Variants in SNX29 observed in about 807,000 individuals in gnomAD.
SNX29 encodes the protein sorting nexin-29.
In SNX29, 78 loss-of-function variants were observed where a neutral mutation model predicts 102.1. The ratio of observed to expected loss-of-function variants is 0.76; its 90% CI spans 0.64 to 0.92. The LOEUF (loss-of-function observed/expected upper bound fraction) is 0.92. SNX29 is among the 40% of genes least tolerant of loss of function. The pLI is 0.00. For synonymous variants in SNX29, 580 were observed against 414.5 expected, an observed-to-expected ratio of 1.40 and a Z score of -4.85; for missense variants, 1,280 against 1,061.7, an observed-to-expected ratio of 1.21 and a Z score of -2.86.
intron 11 of SNX29, among the ~76,000 whole-genome samples, chr16:12,119,844 T>C (rs959695748): frequency 2.0e-5 from 3 of 152,196 alleles, no homozygotes; most frequent in Non-Finnish European, 2.9e-5. Flanking sequence ...AGACAGCAAG[T>C]GTAATCATGC....
chr16:12,229,554 C>G (rs2077710590), intron 14 of SNX29, among the ~76,000 whole-genome samples: 1 of 151,982 alleles, frequency 6.6e-6, no homozygotes, highest in African/African-American at 2.4e-5. Context: ...AAACCTTCTT[C>G]CTACCATTTT....
At chr16:12,218,133 A>G (rs2077373907) in intron 14 of SNX29, among the ~76,000 whole-genome samples, 1 of 152,256 alleles carries the variant, frequency 6.6e-6, no homozygotes, top group African/African-American at 2.4e-5. Context: ...AATTGATTTC[A>G]GTGGAAGTAG....
intron 4 of SNX29, among the ~76,000 whole-genome samples, chr16:12,040,635 G>C (rs2049843158): frequency 6.6e-6 from 1 of 152,210 alleles, no homozygotes; most frequent in South Asian, 2.1e-4. Context: ...CTGTACAGAG[G>C]GAAAGTTGGC....
intron 13 of SNX29, among the ~76,000 whole-genome samples, chr16:12,192,411 C>T (rs191868132): frequency 2.6e-5 from 4 of 152,332 alleles, no homozygotes; most frequent in East Asian, 1.9e-4. Flanking sequence ...CCTGGATGAC[C>T]GTAATGGCCT....
chr16:12,483,354 A>G (rs916775086), intron 19 of SNX29, among the ~76,000 whole-genome samples: 32 of 141,710 alleles, frequency 2.3e-4, no homozygotes, highest in Middle Eastern at 7.9e-3. Flanking sequence ...GTCTTGCTCT[A>G]TCACCCAGGC....
At chr16:12,417,919 G>C (rs1597310033) in intron 18 of SNX29, among the ~76,000 whole-genome samples, 1 of 152,166 alleles carries the variant, frequency 6.6e-6, no homozygotes, top group African/African-American at 2.4e-5. Flanking sequence ...GCAGTAATTG[G>C]ATGGCTTCTT....
intron 11 of SNX29, among the ~76,000 whole-genome samples, chr16:12,113,560 C>T (rs998850179): frequency 1.3e-5 from 2 of 152,152 alleles, no homozygotes; most frequent in African/African-American, 4.8e-5. Context: ...GAGAATTGCC[C>T]GTGCATATGA....
chr16:12,060,087 C>A (rs753540847), intron 8 of SNX29, among the ~76,000 whole-genome samples: 2 of 152,114 alleles, frequency 1.3e-5, no homozygotes, highest in Non-Finnish European at 2.9e-5. Flanking sequence ...TCCATGGACT[C>A]TGCATCCGTG....
At chr16:12,069,732 C>T (rs1386971095) in intron 10 of SNX29, among the ~76,000 whole-genome samples, 1 of 152,152 alleles carries the variant, frequency 6.6e-6, no homozygotes, top group Non-Finnish European at 1.5e-5. Context: ...GCTGTGTTGC[C>T]CAGGCTGGAG....
chr16:12,052,392 T>C (rs916638862), intron 8 of SNX29, 170 bp downstream of exon 8: 24 of 631,974 alleles, frequency 3.8e-5, no homozygotes, highest in Non-Finnish European at 6.3e-5. Flanking sequence ...AATTTTTGTA[T>C]TTTTAGTAGA....
chr16:12,492,032 T>C (rs1358640518), intron 19 of SNX29, among the ~76,000 whole-genome samples: 1 of 152,238 alleles, frequency 6.6e-6, no homozygotes, highest in Non-Finnish European at 1.5e-5. Flanking sequence ...TATAATCCTT[T>C]GGGTATATAC....
chr16:12,089,742 G>C (rs2052409569), intron 11 of SNX29: 3 of 282,032 alleles, frequency 1.1e-5, no homozygotes, highest in South Asian at 8.4e-5. Flanking sequence ...TGGAGGACTT[G>C]AAGCAGGGGC....
rs182371823 is a variant in SNX29 at position 12,539,132 on chromosome 16, T to C, written c.2318+14291T>C. 3.3e-5 allele frequency among the ~76,000 whole-genome samples: 5 copies of C among 152,266 alleles called. No homozygotes were observed. The East Asian group carries it at 9.7e-4, about 29-fold the overall frequency. ...TTTACTTTCACAAAAAATTTTTAAT[T>C]TACACAGTGCAATTGACTTTTGCTC... On this transcript the variant is annotated intron_variant, in intron 20 of 20. Transcript: ENST00000566228.
chr16:12,240,087 T>C (rs145073683), intron 14 of SNX29, among the ~76,000 whole-genome samples: 18 of 152,386 alleles, frequency 1.2e-4, no homozygotes, highest in African/African-American at 4.1e-4. Context: ...TTAAATATTA[T>C]CTCTGAATGG....
At position 12,073,368 on chromosome 16, in the gene SNX29, T is replaced by G. The variant is rs1299306863; in HGVS notation, c.1319+4236T>G. Among the ~76,000 whole-genome samples, 9 of 152,362 alleles carry G rather than the reference T, an allele frequency of 5.9e-5. No individual in the cohort carries two copies. In the South Asian group the frequency reaches 8.3e-4, roughly 14 times the overall value. On this transcript the variant is annotated intron_variant, in intron 10 of 20. Transcript: ENST00000566228. The stretch of plus-strand genomic sequence containing the variant: ...ATGTGTCCCAGAGATTCTGGTATGT[T>G]GTGTCTTTGTTCTCGTTGGTTTCAA...
chr16:12,271,555 A>C (rs1416961204), intron 14 of SNX29, among the ~76,000 whole-genome samples: 1 of 152,144 alleles, frequency 6.6e-6, no homozygotes, highest in East Asian at 1.9e-4. Context: ...TAGGGATTAT[A>C]TAAGAATGTG....
At chr16:12,537,988 A>AAAATTTC (rs2077152600) in intron 20 of SNX29, among the ~76,000 whole-genome samples, 1 of 102,380 alleles carries the variant, frequency 9.8e-6, no homozygotes, top group African/African-American at 3.1e-5. Context: ...CCGTTTCAAA[A>AAAATTTC]AAAAAAAAAA....
intron 20 of SNX29, among the ~76,000 whole-genome samples, chr16:12,545,021 G>T (rs1013479349): frequency 6.6e-6 from 1 of 152,162 alleles, no homozygotes; most frequent in Admixed American, 6.5e-5. Flanking sequence ...GCAGATGTCG[G>T]CTTCAGTAGC....
intron 13 of SNX29, among the ~76,000 whole-genome samples, chr16:12,140,333 G>C (rs1384852129): frequency 6.6e-6 from 1 of 152,192 alleles, no homozygotes; most frequent in East Asian, 1.9e-4. Context: ...TTTTCCAGTA[G>C]CTCTGGAGAA....
Sources: gnomAD v4.1 joint callset for allele counts (sites outside exome capture counted in the v4.1 genomes callset) on GRCh38, gnomAD v4.1.1 for gene constraint, MANE v1.5 for transcripts, NCBI Gene and HGNC (gene_info 2026-07-23, HGNC 2026-07-21) for gene names.